The following CFAP263 variants were observed in gnomAD, a reference collection of about 807,000 sequenced individuals.
CFAP263 encodes cilia and flagella associated protein 263, also known as cilia- and flagella-associated protein 263.
chr16:58,262,580 T>C, the CFAP263 span: 1 of 1,543,630 alleles, frequency 6.5e-7, no homozygotes, highest in South Asian at 1.2e-5. Context: ...CCCAAGGCTT[T>C]CCACACTCAC....
the CFAP263 span, chr16:58,252,692 A>T: frequency 6.2e-7 from 1 of 1,600,464 alleles, no homozygotes; most frequent in Non-Finnish European, 8.6e-7. Context: ...TTAAACTCTT[A>T]TTACTAGAAC....
chr16:58,254,772 T>A, the CFAP263 span, among the ~76,000 whole-genome samples: 1 of 151,466 alleles, frequency 6.6e-6, no homozygotes, highest in East Asian at 1.9e-4. Flanking sequence ...ACCCGGCTAA[T>A]TTTTTTTGTA....
the CFAP263 span, among the ~76,000 whole-genome samples, chr16:58,266,397 ATATATATATTTTTT>A: frequency 0.023 from 970 of 42,464 alleles, no homozygotes; most frequent in African/African-American, 0.06. Context: ...ATATATATAT[ATATATATATTTTTT>A]TTTTTTTTTT....
At chr16:58,259,001 A>G in the CFAP263 span, among the ~76,000 whole-genome samples, 1 of 151,296 alleles carries the variant, frequency 6.6e-6, no homozygotes, top group African/African-American at 2.4e-5. Context: ...AAATAAATAA[A>G]TAAATAAATA....
chr16:58,262,516 T>C, the CFAP263 span: 1 of 1,607,226 alleles, frequency 6.2e-7, no homozygotes, highest in Non-Finnish European at 8.5e-7. Flanking sequence ...CTGGAAACAC[T>C]CTGCAGGTTC....
chr16:58,278,362 A>C, the CFAP263 span: 2 of 918,386 alleles, frequency 2.2e-6, no homozygotes, highest in African/African-American at 3.3e-5. Context: ...ACCTCTTTGA[A>C]AATGTAAACA....
the CFAP263 span, chr16:58,254,027 GACA>G: frequency 1.2e-6 from 2 of 1,614,202 alleles, no homozygotes; most frequent in Admixed American, 1.7e-5. Flanking sequence ...CCAAATCCCG[GACA>G]GGTATGGACC....
the CFAP263 span, among the ~76,000 whole-genome samples, chr16:58,262,801 A>AGGTAGATAGATAGATG: frequency 4.6e-5 from 7 of 152,118 alleles, no homozygotes; most frequent in African/African-American, 1.7e-4. Flanking sequence ...ATAGATAGAT[A>AGGTAGATAGATAGATG]GATAGACAGA....
At chr16:58,269,570 TA>T in the CFAP263 span, among the ~76,000 whole-genome samples, 14 of 152,368 alleles carry the variant, frequency 9.2e-5, no homozygotes, top group African/African-American at 1.7e-4. Context: ...ACATTTCATT[TA>T]AAAGAGATTA....
the CFAP263 span, chr16:58,258,348 C>T: frequency 1.9e-6 from 3 of 1,612,020 alleles, 1 homozygote; most frequent in East Asian, 4.5e-5. Flanking sequence ...GTTCTTCTCT[C>T]TTTGTGCTGA....
the CFAP263 span, among the ~76,000 whole-genome samples, chr16:58,276,127 G>GA: frequency 6.6e-6 from 1 of 151,946 alleles, no homozygotes; most frequent in African/African-American, 2.4e-5. Flanking sequence ...ATAACTAATA[G>GA]AAAAAATGGA....
the CFAP263 span, among the ~76,000 whole-genome samples, chr16:58,270,747 CT>C: frequency 6.6e-6 from 1 of 152,050 alleles, no homozygotes; most frequent in Admixed American, 6.5e-5. Flanking sequence ...AATTTTAGCT[CT>C]TATGTTTAGG....
the CFAP263 span, among the ~76,000 whole-genome samples, chr16:58,256,040 T>A: frequency 6.6e-6 from 1 of 152,254 alleles, no homozygotes; most frequent in South Asian, 2.1e-4. Flanking sequence ...AGCCATGTTG[T>A]ATGAAAAGTA....
At chr16:58,268,974 A>G in the CFAP263 span, among the ~76,000 whole-genome samples, 1 of 152,178 alleles carries the variant, frequency 6.6e-6, no homozygotes, top group African/African-American at 2.4e-5. Context: ...GAGTTGTGTA[A>G]CCATCAACAC....
chr16:58,263,067 G>A, the CFAP263 span, among the ~76,000 whole-genome samples: 1 of 152,152 alleles, frequency 6.6e-6, no homozygotes, highest in Non-Finnish European at 1.5e-5. Flanking sequence ...GAACCCTTTT[G>A]GGAGGGAAAA....
the CFAP263 span, chr16:58,258,617 C>G: frequency 8.3e-7 from 1 of 1,210,202 alleles, no homozygotes; most frequent in East Asian, 2.4e-5. Context: ...TCCCTTTGGT[C>G]CACCATAAAT....
At chr16:58,253,867 C>A in the CFAP263 span, 1 of 894,876 alleles carries the variant, frequency 1.1e-6, no homozygotes, top group Non-Finnish European at 1.8e-6. Context: ...ATCCTTTTAC[C>A]ATGAATTTGT....
chr16:58,265,472 G>A, the CFAP263 span, among the ~76,000 whole-genome samples: 3 of 152,284 alleles, frequency 2.0e-5, no homozygotes, highest in East Asian at 3.9e-4. Context: ...AGCTGAGAGC[G>A]ACCTCCTGCT....
At chr16:58,255,350 G>T in the CFAP263 span, among the ~76,000 whole-genome samples, 1 of 152,160 alleles carries the variant, frequency 6.6e-6, no homozygotes, top group Non-Finnish European at 1.5e-5. Flanking sequence ...AGCTGCTCTG[G>T]CAGCCAATTG....
Sources: gnomAD v4.1 joint callset for allele counts (sites outside exome capture counted in the v4.1 genomes callset) on GRCh38, gnomAD v4.1.1 for gene constraint, MANE v1.5 for transcripts, NCBI Gene and HGNC (gene_info 2026-07-23, HGNC 2026-07-21) for gene names.